The following LRRC8C variants were observed in gnomAD, a reference collection of about 807,000 sequenced individuals.
LRRC8C encodes the protein volume-regulated anion channel subunit LRRC8C.
LRRC8C carries 20 observed loss-of-function variants against 55.3 expected under a neutral mutation model. The observed-to-expected ratio is 0.36, with a 90% CI of 0.25 to 0.53. LRRC8C has a LOEUF of 0.53. Ranked by LOEUF, LRRC8C falls within the 20% of genes least tolerant of loss-of-function variation. The pLI is 0.92. For missense variants in LRRC8C, 659 were observed against 951.4 expected, an observed-to-expected ratio of 0.69 and a Z score of 4.04; for synonymous variants, 376 against 360.7, an observed-to-expected ratio of 1.04 and a Z score of -0.48.
At chr1:89,638,131 G>A (rs375270345) in intron 1 of LRRC8C, among the ~76,000 whole-genome samples, 1 of 152,132 alleles carries the variant, frequency 6.6e-6, no homozygotes, top group African/African-American at 2.4e-5. Context: ...AAATCCAGGA[G>A]AGCTATATGT....
intron 1 of LRRC8C, among the ~76,000 whole-genome samples, chr1:89,646,000 A>T (rs568704962): frequency 1.0e-5 from 1 of 96,424 alleles, no homozygotes; most frequent in African/African-American, 4.2e-5. Flanking sequence ...GTTACTTAGA[A>T]CTTGATATTC....
At chr1:89,624,894 A>G in the LRRC8C span, 1 of 152,254 alleles carries the variant, frequency 6.6e-6, no homozygotes, top group African/African-American at 2.4e-5. Context: ...CAGAGCCCTA[A>G]GCATATTAAT....
chr1:89,647,768 G>A (rs1427219156), intron 1 of LRRC8C, among the ~76,000 whole-genome samples: 1 of 152,064 alleles, frequency 6.6e-6, no homozygotes, highest in Non-Finnish European at 1.5e-5. Flanking sequence ...AATCACACAG[G>A]CCAAACAATG....
chr1:89,672,378 G>T (rs1230607092), intron 1 of LRRC8C, among the ~76,000 whole-genome samples: 2 of 152,154 alleles, frequency 1.3e-5, no homozygotes, highest in Non-Finnish European at 2.9e-5. Flanking sequence ...CCACCATAAT[G>T]CATGATTCAT....
intron 1 of LRRC8C, among the ~76,000 whole-genome samples, chr1:89,669,155 G>A (rs1282264714): frequency 6.6e-6 from 1 of 152,142 alleles, no homozygotes; most frequent in African/African-American, 2.4e-5. Flanking sequence ...ATGGATGAAT[G>A]AGGACGTTCT....
the LRRC8C span, among the ~76,000 whole-genome samples, chr1:89,627,700 A>C: frequency 1.6e-3 from 245 of 151,980 alleles, no homozygotes; most frequent in African/African-American, 5.6e-3. Flanking sequence ...CCAAATCCCA[A>C]CTCTTCTACT....
chr1:89,665,801 C>T (rs1029979732), intron 1 of LRRC8C, among the ~76,000 whole-genome samples: 1 of 152,168 alleles, frequency 6.6e-6, no homozygotes, highest in African/African-American at 2.4e-5. Flanking sequence ...ACTCATCACT[C>T]ACTTGCTGAC....
chr1:89,641,192 A>G (rs964357527), intron 1 of LRRC8C, among the ~76,000 whole-genome samples: 2 of 151,890 alleles, frequency 1.3e-5, no homozygotes, highest in African/African-American at 4.9e-5. Flanking sequence ...GTAAGTACTA[A>G]ACTGTTAGAA....
chr1:89,674,512 T>TA (rs1375385038), intron 1 of LRRC8C, among the ~76,000 whole-genome samples: 2 of 152,218 alleles, frequency 1.3e-5, no homozygotes, highest in African/African-American at 4.8e-5. Flanking sequence ...TACAAAGCCT[T>TA]GCATTAAATA....
Position 89,712,477 on chromosome 1 carries a change from C to T in LRRC8C, c.139-232C>T, listed in dbSNP as rs973220171. ...TATTTTCTTGTGAGTTGTTCTATGACCTGAAAAAACACTGTTTTATGTCAT... is the reference window on the plus strand; with the variant it reads ...TATTTTCTTGTGAGTTGTTCTATGATCTGAAAAAACACTGTTTTATGTCAT... On this transcript the variant is annotated intron_variant, in intron 2 of 2. Transcript: ENST00000370454. 5.3e-5 allele frequency among the ~76,000 whole-genome samples: 8 copies of T among 152,078 alleles called. No individual in the cohort carries two copies. The East Asian group carries it at 1.5e-3, about 29-fold the overall frequency.
intron 2 of LRRC8C, among the ~76,000 whole-genome samples, chr1:89,701,002 T>A (rs1294432352): frequency 6.6e-6 from 1 of 152,166 alleles, no homozygotes; most frequent in Non-Finnish European, 1.5e-5. Flanking sequence ...TGTTTTAAAG[T>A]CCAAGCTGGT....
intron 2 of LRRC8C, among the ~76,000 whole-genome samples, chr1:89,689,450 C>G (rs1203068714): frequency 6.6e-6 from 1 of 152,116 alleles, no homozygotes; most frequent in East Asian, 1.9e-4. Context: ...TATGTTTTAA[C>G]AAGACCACTA....
chr1:89,697,438 G>A (rs1658204525), intron 2 of LRRC8C, among the ~76,000 whole-genome samples: 1 of 152,074 alleles, frequency 6.6e-6, no homozygotes, highest in South Asian at 2.1e-4. Context: ...TAAACTGCAG[G>A]GTTTCTAGAG....
chr1:89,629,350 A>G (rs1168508755), upstream of LRRC8C, among the ~76,000 whole-genome samples: 1 of 152,242 alleles, frequency 6.6e-6, no homozygotes, highest in African/African-American at 2.4e-5. Context: ...TAGAGAATGC[A>G]GCGTAAAATC....
chr1:89,709,284 G>T (rs533508766), intron 2 of LRRC8C, among the ~76,000 whole-genome samples: 10 of 152,370 alleles, frequency 6.6e-5, no homozygotes, highest in Admixed American at 2.0e-4. Flanking sequence ...ACTTGTGCAG[G>T]TCACTGAAGT....
intron 2 of LRRC8C, among the ~76,000 whole-genome samples, chr1:89,711,408 A>G (rs755695247): frequency 2.0e-5 from 3 of 152,256 alleles, no homozygotes; most frequent in Non-Finnish European, 2.9e-5. Flanking sequence ...TTGCAAAATC[A>G]CTAACCACTG....
At chr1:89,694,457 T>C (rs913248019) in intron 2 of LRRC8C, among the ~76,000 whole-genome samples, 1 of 152,108 alleles carries the variant, frequency 6.6e-6, no homozygotes, top group African/African-American at 2.4e-5. Context: ...TTCGTTTGTT[T>C]TGTTATTTTG....
At position 89,714,022 on chromosome 1, in the gene LRRC8C, G is replaced by T; in HGVS notation, c.1452G>T (p.Ala484=). The T allele has an allele frequency of 3.1e-6, 5 of 1,613,398 alleles. No homozygotes were observed. The highest frequency in any genetic ancestry group is 4.2e-6 in the Non-Finnish European group (5 of 1,180,006). The part of the protein sequence containing the change: ...LHQCSVKIHS[A]ALSFLKENLK... ...AGTGTTCTGTCAAAATCCACAGTGC[G>T]GCGCTCTCTTTCCTGAAGGAAAACC... The change falls in exon 3 of 3, where the codon GCG becomes GCT. Residue 484 remains alanine, a synonymous_variant. Coordinates refer to ENST00000370454, the MANE Select transcript of LRRC8C (RefSeq NM_032270.5). This position sits in a 1 kb window ranked among gnomAD's most constrained non-coding sequence, Gnocchi z 4.6.
chr1:89,691,154 T>C (rs1177633032), intron 2 of LRRC8C, among the ~76,000 whole-genome samples: 1 of 152,232 alleles, frequency 6.6e-6, no homozygotes, highest in Non-Finnish European at 1.5e-5. Context: ...TTCAGATTGC[T>C]AATTGTCTGA....
Sources: allele counts gnomAD v4.1 joint callset (sites outside exome capture counted in the v4.1 genomes callset), GRCh38; gene constraint gnomAD v4.1.1; non-coding constraint Gnocchi (gnomAD v3.1); transcripts MANE v1.5; gene names NCBI Gene and HGNC (gene_info 2026-07-23, HGNC 2026-07-21).